The following CNKSR3 variants were observed in gnomAD, a reference collection of about 807,000 sequenced individuals.
CNKSR3 encodes the protein connector enhancer of kinase suppressor of ras 3.
CNKSR3 carries 36 observed loss-of-function variants against 67.7 expected under a neutral mutation model. That is an observed-to-expected ratio of 0.53 (90% confidence interval 0.41 to 0.70). The LOEUF (loss-of-function observed/expected upper bound fraction) is 0.70, where lower values mean the gene tolerates loss of function less well. Ranked by LOEUF, CNKSR3 falls within the 30% of genes least tolerant of loss-of-function variation. The pLI is 0.00. For missense variants in CNKSR3, 630 were observed against 695.2 expected, an observed-to-expected ratio of 0.91 and a Z score of 1.05; for synonymous variants, 281 against 271.4, an observed-to-expected ratio of 1.04 and a Z score of -0.35.
At chr6:154,430,154 T>A (rs1785335040) in intron 6 of CNKSR3, among the ~76,000 whole-genome samples, 1 of 152,226 alleles carries the variant, frequency 6.6e-6, no homozygotes, top group Non-Finnish European at 1.5e-5. Flanking sequence ...TCAGAGCAGA[T>A]GTTATTTTTG....
At chr6:154,438,339 G>A (rs948955552) in intron 4 of CNKSR3, among the ~76,000 whole-genome samples, 21 of 151,422 alleles carry the variant, frequency 1.4e-4, no homozygotes, top group African/African-American at 3.2e-4. Context: ...ATATTACTTC[G>A]TATACAAGTT....
chr6:154,492,510 A>AG (rs1399431372), intron 1 of CNKSR3, among the ~76,000 whole-genome samples: 1 of 152,182 alleles, frequency 6.6e-6, no homozygotes, highest in Non-Finnish European at 1.5e-5. Context: ...TGCAAGGCTG[A>AG]GATGGGCGGA....
At position 154,399,961 on chromosome 6, in the gene CNKSR3, T is replaced by G. The variant is rs1388379686; in HGVS notation, c.*6393A>C. The G allele has an allele frequency of 6.6e-6, 1 of 152,214 alleles. No homozygotes were observed. The highest frequency in any genetic ancestry group is 1.5e-5 in the Non-Finnish European group (1 of 68,032). 9.4% of individuals were successfully genotyped at this position (152,214 alleles called of 1,614,324 possible). On this transcript the variant is annotated 3_prime_UTR_variant, in exon 13 of 13. Transcript: ENST00000607772. ...TTTTTCTCCTGATATTTTCTCTCCT[T>G]TTAATCATTTCTTCACAAACATCTG...
intron 9 of CNKSR3, among the ~76,000 whole-genome samples, chr6:154,420,754 C>T (rs1785128564): frequency 1.4e-5 from 2 of 143,028 alleles, no homozygotes; most frequent in Non-Finnish European, 3.0e-5. Flanking sequence ...GTTGCTATAA[C>T]ACTTGTAGAT....
intron 1 of CNKSR3, among the ~76,000 whole-genome samples, chr6:154,456,954 G>A (rs779964836): frequency 2.6e-5 from 4 of 151,990 alleles, no homozygotes; most frequent in Non-Finnish European, 4.4e-5. Flanking sequence ...CCAGAGGGAC[G>A]GAAACAGGAT....
rs1014855170 is a variant in CNKSR3 at position 154,390,119 on chromosome 6, C to T, written c.*16235G>A. The T allele has an allele frequency of 2.0e-5, 3 of 152,186 alleles. No individual in the cohort carries two copies. The highest frequency in any genetic ancestry group is 6.5e-5 in the Admixed American group (1 of 15,270). The allele number at this position is 152,186 out of a possible 1,614,324, so 9.4% of individuals were successfully genotyped here. A position where few individuals can be genotyped will look rare whatever the true frequency, so the allele number is the denominator to read the frequency against. On this transcript the variant is annotated 3_prime_UTR_variant, in exon 13 of 13. Coordinates refer to ENST00000607772, the MANE Select transcript of CNKSR3 (RefSeq NM_173515.4). ...CACCCCATGTACCCATTATCCTAAC[C>T]AAGAACTAGAATATTACTCATCAGT...
chr6:154,477,287 A>T (rs959219537), intron 1 of CNKSR3, among the ~76,000 whole-genome samples: 1 of 152,016 alleles, frequency 6.6e-6, no homozygotes, highest in Non-Finnish European at 1.5e-5. Context: ...TGAAAAAAAA[A>T]AATTCTGAGC....
chr6:154,499,405 C>T lies in CNKSR3; in HGVS notation c.52+10658G>A, dbSNP rs539701234. 8.9e-4 allele frequency among the ~76,000 whole-genome samples: 135 copies of T among 152,238 alleles called. 1 individual carries two copies. The highest frequency in any genetic ancestry group is 3.1e-3 in the African/African-American group (128 of 41,550). On this transcript the variant is annotated intron_variant, in intron 1 of 12. Coordinates refer to ENST00000607772, the MANE Select transcript of CNKSR3 (RefSeq NM_173515.4). ...GAGGAGTCTGTTAGCTTCCTGGATC[C>T]CACCCCCAGAGTTTCTGATTCTGCA...
At chr6:154,411,475 C>T (rs1421229514) in intron 10 of CNKSR3, among the ~76,000 whole-genome samples, 2 of 151,960 alleles carry the variant, frequency 1.3e-5, no homozygotes, top group Non-Finnish European at 2.9e-5. Context: ...GGTGAAACCC[C>T]ATCTCTACTA....
intron 2 of CNKSR3, among the ~76,000 whole-genome samples, chr6:154,448,780 A>T (rs1785762269): frequency 6.6e-6 from 1 of 152,242 alleles, no homozygotes. Flanking sequence ...CCATTTTAAG[A>T]AGAAGAATAC....
At chr6:154,419,941 G>A (rs529396997) in intron 9 of CNKSR3, among the ~76,000 whole-genome samples, 7 of 152,162 alleles carry the variant, frequency 4.6e-5, no homozygotes, top group Admixed American at 3.9e-4. Flanking sequence ...TTAGCTGGGC[G>A]TAGTGGCGGG....
At position 154,450,218 on chromosome 6, in the gene CNKSR3, T is replaced by C. The variant is rs1785798229; in HGVS notation, c.93A>G (p.Glu31=). ...DCLQQYVHKF[E]REKINGEQLL... is the part of the protein sequence containing the mutation. ...GCTGCTCGCCGTTGATCTTCTCTCG[T>C]TCAAACTTGTGGACATATTGTTGCA... Residue 31 remains glutamate, a synonymous_variant, in exon 2 of 13, where the codon GAA becomes GAG. Coordinates refer to ENST00000607772, the MANE Select transcript of CNKSR3 (RefSeq NM_173515.4). The C allele has an allele frequency of 6.2e-7, 1 of 1,614,166 alleles. No individual in the cohort carries two copies. The highest frequency in any genetic ancestry group is 1.1e-5 in the South Asian group (1 of 91,082).
At chr6:154,455,307 C>A (rs1472786393) in intron 1 of CNKSR3, among the ~76,000 whole-genome samples, 14 of 151,086 alleles carry the variant, frequency 9.3e-5, no homozygotes, top group African/African-American at 2.9e-4. Flanking sequence ...TCTCAAAAAA[C>A]CAAAAAAAAA....
intron 4 of CNKSR3, among the ~76,000 whole-genome samples, chr6:154,439,436 TTCTC>T (rs149012186): frequency 6.5e-4 from 99 of 152,244 alleles, no homozygotes; most frequent in African/African-American, 2.4e-3. Context: ...TTTCATCCCT[TTCTC>T]TCCTCTCCCT....
intron 1 of CNKSR3, among the ~76,000 whole-genome samples, chr6:154,453,425 T>C (rs1307973266): frequency 6.6e-6 from 1 of 152,182 alleles, no homozygotes; most frequent in East Asian, 1.9e-4. Flanking sequence ...AGCATTTCTC[T>C]GAGAAACTAA....
chr6:154,471,751 T>A (rs1582887293), intron 1 of CNKSR3, among the ~76,000 whole-genome samples: 2 of 152,180 alleles, frequency 1.3e-5, no homozygotes, highest in East Asian at 3.8e-4. Context: ...TAGTTCCCTG[T>A]CACGTTTGTG....
chr6:154,484,695 C>CAAAAAAAAAAAAA, intron 1 of CNKSR3, among the ~76,000 whole-genome samples: 1 of 65,522 alleles, frequency 1.5e-5, no homozygotes, highest in Non-Finnish European at 3.4e-5. Context: ...GAGCAAGACT[C>CAAAAAAAAAAAAA]AAAAAAAAAA....
chr6:154,428,336 A>G, intron 6 of CNKSR3, 149 bp from the exon 7 acceptor site: 1 of 636,866 alleles, frequency 1.6e-6, no homozygotes, highest in South Asian at 1.9e-5. Flanking sequence ...AACAAGATCC[A>G]AAGGGTGGTG....
intron 1 of CNKSR3, among the ~76,000 whole-genome samples, chr6:154,478,901 A>G (rs1289516105): frequency 6.6e-6 from 1 of 152,244 alleles, no homozygotes; most frequent in African/African-American, 2.4e-5. Flanking sequence ...CTTGCTACAG[A>G]TATCATGAGA....
Sources: allele counts gnomAD v4.1 joint callset (sites outside exome capture counted in the v4.1 genomes callset), GRCh38; gene constraint gnomAD v4.1.1; transcripts MANE v1.5; gene names NCBI Gene and HGNC (gene_info 2026-07-23, HGNC 2026-07-21).